The following SH3D19 variants were observed in gnomAD, a reference collection of about 807,000 sequenced individuals.
SH3D19 encodes SH3 domain containing 19.
Under a neutral mutation model 112.1 loss-of-function variants are expected in SH3D19, and 58 were observed. The observed-to-expected ratio is 0.52, with a 90% CI of 0.42 to 0.64. SH3D19 has a LOEUF of 0.64. Among genes scored for constraint, SH3D19 ranks in the 30% least tolerant of loss-of-function variants. The probability of loss-of-function intolerance (pLI) is 0.00; values close to 1 mark genes in which losing one functional copy is unlikely to be tolerated. For synonymous variants in SH3D19, 391 were observed against 448.5 expected, an observed-to-expected ratio of 0.87 and a Z score of 1.62; for missense variants, 1,090 against 1,263.4, an observed-to-expected ratio of 0.86 and a Z score of 2.08.
chr4:151,240,278 G>C (rs937660630), intron 1 of SH3D19, among the ~76,000 whole-genome samples: 1 of 149,364 alleles, frequency 6.7e-6, no homozygotes. Flanking sequence ...AGGAACAGTG[G>C]CACGAGCCTG....
At chr4:151,143,568 C>T (rs545026930) in intron 12 of SH3D19, among the ~76,000 whole-genome samples, 2 of 151,774 alleles carry the variant, frequency 1.3e-5, no homozygotes, top group Non-Finnish European at 2.9e-5. Context: ...CTAGGATAAA[C>T]GGCAAACCAA....
intron 1 of SH3D19, among the ~76,000 whole-genome samples, chr4:151,290,890 T>C (rs911473233): frequency 2.0e-5 from 3 of 152,192 alleles, no homozygotes; most frequent in African/African-American, 7.2e-5. Flanking sequence ...CACAGACAAA[T>C]ATTTTGAAAT....
At chr4:151,291,522 T>A (rs1206222725) in intron 1 of SH3D19, 19 of 1,189,482 alleles carry the variant, frequency 1.6e-5, no homozygotes, top group Non-Finnish European at 2.2e-5. Context: ...GTTTTTAAGG[T>A]TTTTGATTTT....
rs201617546 is a variant in SH3D19 at position 151,230,597 on chromosome 4, CT to C, written c.113-4512del. Among the ~76,000 whole-genome samples the C allele has an allele frequency of 1.0e-2, 1,361 of 136,614 alleles. 2 individuals carry two copies. Among genetic ancestry groups the C allele is most frequent in the Middle Eastern group, 0.019 (5 of 262 alleles). The allele number at this position is 136,614 out of a possible 152,430, so 89.6% of individuals were successfully genotyped here. ...GAGTAAGAAGTGGTTTAAAGTGAGT[CT>C]TTTTTTTTTTTTTTTTAATTGAGAC... On this transcript the variant is annotated intron_variant, in intron 1 of 19. Coordinates refer to ENST00000604030, the MANE Select transcript of SH3D19 (RefSeq NM_001378122.1).
At chr4:151,176,116 C>G (rs1162188336) in intron 6 of SH3D19, among the ~76,000 whole-genome samples, 1 of 152,170 alleles carries the variant, frequency 6.6e-6, no homozygotes, top group East Asian at 1.9e-4. Context: ...AAGCAATCCA[C>G]CCGCCTTAGT....
chr4:151,271,853 T>A (rs543897056), intron 1 of SH3D19, among the ~76,000 whole-genome samples: 22 of 152,266 alleles, frequency 1.4e-4, no homozygotes, highest in Non-Finnish European at 2.6e-4. Flanking sequence ...TCTTGTGGGA[T>A]ATTATTATTC....
chr4:151,161,155 G>T (rs1041263464), intron 8 of SH3D19, among the ~76,000 whole-genome samples: 1 of 152,114 alleles, frequency 6.6e-6, no homozygotes, highest in Non-Finnish European at 1.5e-5. Flanking sequence ...GTCAGGGAAG[G>T]TCTCTGAGAA....
At chr4:151,198,377 T>TTATATAA (rs1763851392) in intron 2 of SH3D19, among the ~76,000 whole-genome samples, 1 of 38,756 alleles carries the variant, frequency 2.6e-5, no homozygotes, top group African/African-American at 4.3e-5. Flanking sequence ...TATATAAAAA[T>TTATATAA]TATATAATAT....
In SH3D19 at chr4:151,272,763, C is replaced by CTTTTTTTTTTCT. The variant is rs1554065166; in HGVS notation, c.113-46678_113-46677insAGAAAAAAAAAA. On this transcript the variant is annotated intron_variant, in intron 1 of 19. Transcript: ENST00000604030. ...CTTTAGAGATTCAGGTTTCACTTTTCTTTTTTTTTTTTTAACAAGGATACT... is the reference window on the plus strand; with the variant it reads ...CTTTAGAGATTCAGGTTTCACTTTTCTTTTTTTTTTCTTTTTTTTTTTTTTAACAAGGATACT... Among the ~76,000 whole-genome samples, 798 of 142,730 alleles carry CTTTTTTTTTTCT rather than the reference C, an allele frequency of 5.6e-3. 6 individuals are homozygous for CTTTTTTTTTTCT. The highest frequency in any genetic ancestry group is 0.017 in the African/African-American group (652 of 39,004). The allele number at this position is 142,730 out of a possible 152,430, so 93.6% of individuals were successfully genotyped here. A position where few individuals can be genotyped will look rare whatever the true frequency, so the allele number is the denominator to read the frequency against.
At position 151,148,147 on chromosome 4, in the gene SH3D19, T is replaced by G. The variant is rs1390449920; in HGVS notation, c.1857A>C (p.Pro619=). Residue 619 remains proline (P), a synonymous_variant, in exon 11 of 20, where the codon CCA becomes CCC. Coordinates refer to ENST00000604030, the MANE Select transcript of SH3D19 (RefSeq NM_001378122.1). ...GTGGTCTCTCAGGGGGCACCTTGGT[T>G]GGAGGCTGTTGAGTTGGAATGGTTT... ...NGKTIPTQQP[P]TKVPPERPPP... 1 of 1,610,604 alleles carries G rather than the reference T, an allele frequency of 6.2e-7. No homozygotes were observed. Among genetic ancestry groups the G allele is most frequent in the Non-Finnish European group, 8.5e-7 (1 of 1,179,182 alleles).
At chr4:151,133,356 GGCT>G in intron 15 of SH3D19, 120 bp from the exon 16 acceptor site, 1 of 774,146 alleles carries the variant, frequency 1.3e-6, no homozygotes, top group Non-Finnish European at 2.1e-6. Context: ...AGGTATACTA[GGCT>G]AATTTGAAAT....
At chr4:151,320,397 C>G (rs770955185) in intron 1 of SH3D19, among the ~76,000 whole-genome samples, 2 of 152,082 alleles carry the variant, frequency 1.3e-5, no homozygotes, top group African/African-American at 4.8e-5. Flanking sequence ...TGGCATTTCT[C>G]CCCAAGGAAA....
At chr4:151,175,711 C>T in intron 6 of SH3D19, 37 bp from the exon 7 acceptor site, 1 of 1,238,950 alleles carries the variant, frequency 8.1e-7, no homozygotes, top group Non-Finnish European at 1.0e-6. Flanking sequence ...CAAATAAAAA[C>T]AAGCCATAAC....
intron 9 of SH3D19, among the ~76,000 whole-genome samples, chr4:151,154,439 C>T (rs1445206494): frequency 6.6e-6 from 1 of 151,604 alleles, no homozygotes; most frequent in East Asian, 1.9e-4. Context: ...CGGCCCACAC[C>T]TGGCTAATTT....
chr4:151,197,278 A>G (rs1763614275), intron 2 of SH3D19, among the ~76,000 whole-genome samples: 1 of 152,196 alleles, frequency 6.6e-6, no homozygotes, highest in South Asian at 2.1e-4. Flanking sequence ...TGTGCTGGGC[A>G]CCTTAGGGTA....
intron 1 of SH3D19, among the ~76,000 whole-genome samples, chr4:151,265,443 T>C (rs891861011): frequency 4.0e-5 from 6 of 151,646 alleles, no homozygotes; most frequent in Admixed American, 6.6e-5. Context: ...AAGGAGGTTA[T>C]AAAATCACAA....
At chr4:151,263,496 C>T (rs1252326353) in intron 1 of SH3D19, among the ~76,000 whole-genome samples, 1 of 152,242 alleles carries the variant, frequency 6.6e-6, no homozygotes, top group African/African-American at 2.4e-5. Context: ...ATAACCCCAA[C>T]ACTCAGTAGC....
At chr4:151,231,792 T>C (rs1194901428) in intron 1 of SH3D19, among the ~76,000 whole-genome samples, 1 of 152,310 alleles carries the variant, frequency 6.6e-6, no homozygotes, top group South Asian at 2.1e-4. Flanking sequence ...CGTTCATTAA[T>C]TAAAGTGCCT....
intron 1 of SH3D19, among the ~76,000 whole-genome samples, chr4:151,292,398 C>T (rs148567635): frequency 6.6e-6 from 1 of 152,228 alleles, no homozygotes; most frequent in African/African-American, 2.4e-5. Context: ...ACCAGTGTGA[C>T]CTACTACGAA....
Sources: allele counts gnomAD v4.1 joint callset (sites outside exome capture counted in the v4.1 genomes callset), GRCh38; gene constraint gnomAD v4.1.1; transcripts MANE v1.5; gene names NCBI Gene and HGNC (gene_info 2026-07-23, HGNC 2026-07-21).